TUSC3: variants seen among roughly 807,000 people sequenced by gnomAD.
TUSC3 encodes the protein dolichyl-diphosphooligosaccharide--protein glycosyltransferase subunit TUSC3.
In TUSC3, 45 loss-of-function variants were observed where a neutral mutation model predicts 44.8. The ratio of observed to expected loss-of-function variants is 1.00; its 90% CI spans 0.79 to 1.29. TUSC3 has a LOEUF of 1.29. Ranked by LOEUF, TUSC3 falls within the 50% of genes most tolerant of loss-of-function variation. The probability of loss-of-function intolerance (pLI) is 0.00; values close to 1 mark genes in which losing one functional copy is unlikely to be tolerated. For missense variants in TUSC3, 519 were observed against 437.9 expected (o/e 1.19, Z -1.65); for synonymous variants, 212 against 152.9 (o/e 1.39, Z -2.85).
chr8:15,815,639 A>G, the TUSC3 span, among the ~76,000 whole-genome samples: 1 of 152,168 alleles, frequency 6.6e-6, no homozygotes, highest in Non-Finnish European at 1.5e-5. Flanking sequence ...ACCTATTCCC[A>G]GGGCAAACGT....
chr8:15,766,405 T>A lies in TUSC3; in HGVS notation c.*2249T>A, dbSNP rs1296719069. ...CAATGAGAATTGAATAATTGATTTG[T>A]ACCTGGTATGTTATATCCTCCAGTG... On this transcript the variant is annotated 3_prime_UTR_variant, in exon 11 of 11. Coordinates refer to ENST00000503731, the MANE Select transcript of TUSC3 (RefSeq NM_006765.4). The A allele has an allele frequency of 2.0e-5, 3 of 152,132 alleles. No homozygotes were observed. The highest frequency in any genetic ancestry group is 7.2e-5 in the African/African-American group (3 of 41,446). The allele number at this position is 152,132 out of a possible 1,614,324, so 9.4% of individuals were successfully genotyped here.
chr8:15,483,358 G>C (rs1221703150), intron 1 of TUSC3: 2 of 225,462 alleles, frequency 8.9e-6, no homozygotes, highest in Admixed American at 4.2e-5. Context: ...TTGTTTTTTT[G>C]AGACGGAGTT....
At chr8:15,664,029 G>T (rs1436671871) in intron 5 of TUSC3, among the ~76,000 whole-genome samples, 1 of 151,744 alleles carries the variant, frequency 6.6e-6, no homozygotes. Context: ...TCCTCAAGAA[G>T]AGCCCAGAAT....
chr8:15,744,738 T>TTTATC (rs1201744215), intron 8 of TUSC3, among the ~76,000 whole-genome samples: 1 of 152,186 alleles, frequency 6.6e-6, no homozygotes, highest in Non-Finnish European at 1.5e-5. Context: ...ATTTTATTTA[T>TTTATC]TTATCTTTTG....
intron 10 of TUSC3, among the ~76,000 whole-genome samples, chr8:15,763,963 A>C (rs1393409100): frequency 6.6e-6 from 1 of 152,030 alleles, no homozygotes; most frequent in African/African-American, 2.4e-5. Context: ...GTAAATTTAA[A>C]CCACAAATTA....
chr8:15,642,236 A>G (rs1017243286), intron 2 of TUSC3, among the ~76,000 whole-genome samples: 3 of 152,168 alleles, frequency 2.0e-5, no homozygotes, highest in African/African-American at 7.2e-5. Context: ...TATATAATGC[A>G]TATACTCAGA....
chr8:15,764,479 A>G lies in TUSC3; in HGVS notation c.*323A>G, dbSNP rs1346661456. The G allele has an allele frequency of 7.5e-6, 3 of 401,984 alleles. No homozygotes were observed. The highest frequency in any genetic ancestry group is 6.1e-5 in the African/African-American group (3 of 48,940). 24.9% of individuals were successfully genotyped at this position (401,984 alleles called of 1,614,324 possible). On this transcript the variant is annotated 3_prime_UTR_variant, in exon 11 of 11. Coordinates refer to ENST00000503731, the MANE Select transcript of TUSC3 (RefSeq NM_006765.4). ...CAGGATTGAAATAAATGACAATGTA[A>G]TTATGAATTCATGTTTTAGAGCTGT...
intron 2 of TUSC3, among the ~76,000 whole-genome samples, chr8:15,493,703 A>G (rs550803230): frequency 2.0e-5 from 3 of 152,330 alleles, no homozygotes; most frequent in South Asian, 2.1e-4. Context: ...TCCAATTAGA[A>G]AAAGAAGACA....
intron 1 of TUSC3, among the ~76,000 whole-genome samples, chr8:15,607,001 G>C (rs1804557723): frequency 6.6e-6 from 1 of 151,894 alleles, no homozygotes; most frequent in Non-Finnish European, 1.5e-5. Flanking sequence ...TTTTAATCCA[G>C]TTAATATTAG....
chr8:15,474,648 G>C (rs530914279), intron 1 of TUSC3, among the ~76,000 whole-genome samples: 1 of 152,240 alleles, frequency 6.6e-6, no homozygotes, highest in South Asian at 2.1e-4. Context: ...TTTTACAGTT[G>C]GGGGATTTGG....
chr8:15,689,861 T>C lies in TUSC3; in HGVS notation c.798+16025T>C, dbSNP rs1431144971. ...GTGTGTGTGTGTGTGTGTGTGTGTG[T>C]GTATAAATATATATATATATGCATG... On this transcript the variant is annotated intron_variant, in intron 6 of 10. Transcript: ENST00000503731. Among the ~76,000 whole-genome samples, 6 of 39,132 alleles carry C rather than the reference T, an allele frequency of 1.5e-4. No individual in the cohort carries two copies. In the East Asian group the frequency reaches 1.7e-3, roughly 11 times the overall value. The allele number at this position is 39,132 out of a possible 152,430, so 25.7% of individuals were successfully genotyped here.
intron 1 of TUSC3, among the ~76,000 whole-genome samples, chr8:15,598,793 C>G (rs1447022046): frequency 6.6e-6 from 1 of 151,510 alleles, no homozygotes; most frequent in Non-Finnish European, 1.5e-5. Flanking sequence ...TTTTATAGCA[C>G]TGAATAATCT....
intron 2 of TUSC3, among the ~76,000 whole-genome samples, chr8:15,624,245 C>G (rs1006733666): frequency 9.2e-5 from 14 of 151,716 alleles, no homozygotes; most frequent in African/African-American, 2.7e-4. Flanking sequence ...GGGGTCGTTT[C>G]TAGGTTTTGG....
chr8:15,418,593 G>C (rs533788244), intron 1 of TUSC3, among the ~76,000 whole-genome samples: 3 of 152,306 alleles, frequency 2.0e-5, no homozygotes, highest in African/African-American at 4.8e-5. Context: ...GGCAGCAAAA[G>C]ACAAGGAGGA....
intron 2 of TUSC3, among the ~76,000 whole-genome samples, chr8:15,515,760 C>G (rs1801208479): frequency 6.6e-6 from 1 of 152,090 alleles, no homozygotes; most frequent in Admixed American, 6.5e-5. Context: ...CTCTCCCTCC[C>G]AGGTTCAAGT....
chr8:15,533,561 G>T, intron 2 of TUSC3, among the ~76,000 whole-genome samples: 1 of 152,168 alleles, frequency 6.6e-6, no homozygotes, highest in East Asian at 1.9e-4. Flanking sequence ...TGTGAGGGAG[G>T]TATGTAGCTT....
the TUSC3 span, among the ~76,000 whole-genome samples, chr8:15,840,143 C>T: frequency 2.4e-4 from 37 of 152,142 alleles, no homozygotes; most frequent in African/African-American, 6.0e-4. Context: ...AAACAAACAC[C>T]GCATACTCTC....
Position 15,643,486 on chromosome 8 carries a change from C to T in TUSC3, c.309-7211C>T, listed in dbSNP as rs182746990. ...GTGCTAACTCTGCGTATTGTATACA[C>T]TTCAACATATTTTATGTTCATATAC... On this transcript the variant is annotated intron_variant, in intron 2 of 10. Transcript: ENST00000503731. 4.8e-3 allele frequency among the ~76,000 whole-genome samples: 728 copies of T among 151,800 alleles called. 5 individuals are homozygous for T. Among genetic ancestry groups the T allele is most frequent in the African/African-American group, 0.017 (701 of 41,392 alleles).
chr8:15,427,454 G>A (rs1799817729), intron 1 of TUSC3, among the ~76,000 whole-genome samples: 1 of 152,014 alleles, frequency 6.6e-6, no homozygotes, highest in Admixed American at 6.6e-5. Context: ...AACTGGTAAT[G>A]AGCAGCATCC....
Sources: allele counts gnomAD v4.1 joint callset (sites outside exome capture counted in the v4.1 genomes callset), GRCh38; gene constraint gnomAD v4.1.1; transcripts MANE v1.5; gene names NCBI Gene and HGNC (gene_info 2026-07-23, HGNC 2026-07-21).